Variants in NKAIN2 observed in about 807,000 individuals in gnomAD.
NKAIN2 encodes the protein sodium/potassium transporting ATPase interacting 2, also known as sodium/potassium-transporting ATPase subunit beta-1-interacting protein 2.
Under a neutral mutation model 32.6 loss-of-function variants are expected in NKAIN2, and 14 were observed. That is an observed-to-expected ratio of 0.43 (90% confidence interval 0.28 to 0.67). NKAIN2 has a LOEUF of 0.67. Among genes scored for constraint, NKAIN2 ranks in the 30% least tolerant of loss-of-function variants. The pLI, the probability that NKAIN2 is intolerant of heterozygous loss-of-function variation, is 0.17. For synonymous variants in NKAIN2, 80 were observed against 87.2 expected, an observed-to-expected ratio of 0.92 and a Z score of 0.46; for missense variants, 198 against 258.3, an observed-to-expected ratio of 0.77 and a Z score of 1.60.
chr6:124,380,975 C>G (rs569711407), intron 3 of NKAIN2, among the ~76,000 whole-genome samples: 1 of 152,274 alleles, frequency 6.6e-6, no homozygotes, highest in East Asian at 1.9e-4. Context: ...AGAAGACTAT[C>G]TACTATTATT....
At chr6:124,813,216 G>A (rs1259074423) in intron 5 of NKAIN2, among the ~76,000 whole-genome samples, 1 of 152,026 alleles carries the variant, frequency 6.6e-6, no homozygotes, top group African/African-American at 2.4e-5. Context: ...ATACCACATT[G>A]GCAACTATCA....
intron 1 of NKAIN2, among the ~76,000 whole-genome samples, chr6:124,000,964 C>A (rs918800526): frequency 6.6e-6 from 1 of 152,006 alleles, no homozygotes; most frequent in Non-Finnish European, 1.5e-5. Context: ...AGCTTGTTCA[C>A]CATTGACGTG....
intron 1 of NKAIN2, among the ~76,000 whole-genome samples, chr6:124,157,330 G>A (rs996601761): frequency 3.3e-5 from 5 of 151,426 alleles, no homozygotes; most frequent in African/African-American, 1.2e-4. Context: ...TATACTGATA[G>A]TTTGGTTATA....
At chr6:124,030,041 A>AAAACAAACAAACAAAC (rs144418162) in intron 1 of NKAIN2, among the ~76,000 whole-genome samples, 3 of 151,986 alleles carry the variant, frequency 2.0e-5, no homozygotes, top group African/African-American at 7.3e-5. Flanking sequence ...CATCTCTACA[A>AAAACAAACAAACAAAC]AAACAAACAA....
intron 4 of NKAIN2, among the ~76,000 whole-genome samples, chr6:124,774,856 C>CAAAAAA (rs777636496): frequency 1.4e-5 from 1 of 72,786 alleles, no homozygotes; most frequent in Non-Finnish European, 3.0e-5. Flanking sequence ...AACTTCATCT[C>CAAAAAA]AAAAAAAAAA....
chr6:124,571,432 C>G (rs768496770), intron 3 of NKAIN2, among the ~76,000 whole-genome samples: 6 of 152,094 alleles, frequency 3.9e-5, no homozygotes, highest in Non-Finnish European at 8.8e-5. Context: ...TGGGAGGGAC[C>G]CAGAAGGAGG....
chr6:124,562,688 A>AT (rs1260535527), intron 3 of NKAIN2, among the ~76,000 whole-genome samples: 1 of 152,002 alleles, frequency 6.6e-6, no homozygotes, highest in Non-Finnish European at 1.5e-5. Flanking sequence ...AAAAATAACT[A>AT]TTTTTCCAAA....
At chr6:124,715,749 C>T (rs1166784150) in intron 4 of NKAIN2, among the ~76,000 whole-genome samples, 1 of 152,194 alleles carries the variant, frequency 6.6e-6, no homozygotes, top group African/African-American at 2.4e-5. Context: ...ATTTCTTCCT[C>T]TTCTTTTTCT....
chr6:124,299,303 C>T (rs762608574), intron 2 of NKAIN2, among the ~76,000 whole-genome samples: 5 of 152,146 alleles, frequency 3.3e-5, no homozygotes, highest in Non-Finnish European at 7.4e-5. Context: ...CTTTGGAAAT[C>T]ACTTAGATTT....
chr6:124,773,713 A>G (rs1778861235), intron 4 of NKAIN2, among the ~76,000 whole-genome samples: 1 of 152,194 alleles, frequency 6.6e-6, no homozygotes, highest in Non-Finnish European at 1.5e-5. Flanking sequence ...GAAACACAAT[A>G]AAAGGGACTT....
At chr6:124,335,802 A>G (rs1797837470) in intron 2 of NKAIN2, among the ~76,000 whole-genome samples, 1 of 152,144 alleles carries the variant, frequency 6.6e-6, no homozygotes, top group African/African-American at 2.4e-5. Flanking sequence ...GACATCTAAT[A>G]TTACATGTAT....
intron 1 of NKAIN2, among the ~76,000 whole-genome samples, chr6:124,083,589 A>G (rs1342136575): frequency 6.6e-6 from 1 of 151,954 alleles, no homozygotes; most frequent in East Asian, 1.9e-4. Flanking sequence ...ATTTTAGTTG[A>G]TCCACCTATA....
chr6:124,393,764 A>G (rs970772384), intron 3 of NKAIN2, among the ~76,000 whole-genome samples: 2 of 152,174 alleles, frequency 1.3e-5, no homozygotes, highest in African/African-American at 2.4e-5. Flanking sequence ...TAATGGCTGT[A>G]TAAATATACT....
In NKAIN2 at chr6:123,849,949, G is replaced by GTTTTTTTTTTTTTTTTTTT. The variant is rs777466801; in HGVS notation, c.54+45707_54+45708insTTTTTTTTTTTTTTTTTTT. ...TGGTTTCACTCTGTAACTCAGGCTG[G>GTTTTTTTTTTTTTTTTTTT]TTTTTTTTTTTTGTTTGTTTGTTTT... On this transcript the variant is annotated intron_variant, in intron 1 of 6. Transcript: ENST00000368417. 8.5e-4 allele frequency among the ~76,000 whole-genome samples: 33 copies of GTTTTTTTTTTTTTTTTTTT among 38,714 alleles called. 1 individual carries two copies. Among genetic ancestry groups the GTTTTTTTTTTTTTTTTTTT allele is most frequent in the Admixed American group, 1.6e-3 (4 of 2,490 alleles). 25.4% of individuals were successfully genotyped at this position (38,714 alleles called of 152,430 possible).
At chr6:124,273,264 A>G (rs1794881282) in intron 1 of NKAIN2, among the ~76,000 whole-genome samples, 1 of 151,694 alleles carries the variant, frequency 6.6e-6, no homozygotes, top group Admixed American at 6.6e-5. Context: ...GGTCGATTGG[A>G]TCCTGGGGGC....
chr6:124,809,961 A>G (rs930715113), intron 5 of NKAIN2, among the ~76,000 whole-genome samples: 1 of 152,104 alleles, frequency 6.6e-6, no homozygotes, highest in African/African-American at 2.4e-5. Context: ...TTAGAATGGC[A>G]ATCATTAAAA....
chr6:124,317,661 G>A (rs1302921748), intron 2 of NKAIN2, among the ~76,000 whole-genome samples: 1 of 151,918 alleles, frequency 6.6e-6, no homozygotes, highest in Non-Finnish European at 1.5e-5. Flanking sequence ...GAAAGGAAAG[G>A]AAATCTGGTT....
intron 3 of NKAIN2, among the ~76,000 whole-genome samples, chr6:124,519,709 T>C (rs1306332981): frequency 6.6e-6 from 1 of 152,190 alleles, no homozygotes; most frequent in East Asian, 1.9e-4. Flanking sequence ...ATGAATTCCA[T>C]ATTCACAAAT....
chr6:124,346,467 C>G (rs761190928), intron 2 of NKAIN2, among the ~76,000 whole-genome samples: 8 of 152,128 alleles, frequency 5.3e-5, no homozygotes, highest in Admixed American at 1.3e-4. Flanking sequence ...GTGTGGGAGT[C>G]TAAGTCTCTT....
Sources: allele counts gnomAD v4.1 joint callset (sites outside exome capture counted in the v4.1 genomes callset), GRCh38; gene constraint gnomAD v4.1.1; transcripts MANE v1.5; gene names NCBI Gene and HGNC (gene_info 2026-07-23, HGNC 2026-07-21).